MAP1LC3A: variants seen among roughly 807,000 people sequenced by gnomAD.
MAP1LC3A encodes microtubule associated protein 1 light chain 3 alpha.
Under a neutral mutation model 15.2 loss-of-function variants are expected in MAP1LC3A, and 10 were observed. The ratio of observed to expected loss-of-function variants is 0.66; its 90% CI spans 0.41 to 1.12. The LOEUF (loss-of-function observed/expected upper bound fraction) is 1.12, where lower values mean the gene tolerates loss of function less well. Among genes scored for constraint, MAP1LC3A ranks in the 50% most tolerant of loss-of-function variants. MAP1LC3A has a pLI of 0.00. For missense variants in MAP1LC3A, 138 were observed against 167.3 expected, an observed-to-expected ratio of 0.82 and a Z score of 0.97; for synonymous variants, 63 against 64.3, an observed-to-expected ratio of 0.98 and a Z score of 0.10.
At chr20:34,554,729 C>T (rs1248455584), upstream of MAP1LC3A, among the ~76,000 whole-genome samples, 1 of 151,900 alleles carries the variant, frequency 6.6e-6, no homozygotes, top group African/African-American at 2.4e-5. Flanking sequence ...AGTGTAGTGA[C>T]ACAATCTTGG....
At chr20:34,548,792 G>A (rs1309219000) in intron 1 of MAP1LC3A, among the ~76,000 whole-genome samples, 4 of 150,070 alleles carry the variant, frequency 2.7e-5, no homozygotes, top group African/African-American at 9.8e-5. Context: ...TAAAACCTCC[G>A]CCTCCCGGGT....
chr20:34,549,961 CTG>C (rs1568609683), exon 2 of MAP1LC3A: 4 of 1,613,756 alleles, frequency 2.5e-6, no homozygotes, highest in Admixed American at 3.3e-5. Flanking sequence ...AGTTCTGACA[CTG>C]TCTCAGTTTT....
In MAP1LC3A at chr20:34,548,525, G is replaced by A. The variant is rs777473938; in HGVS notation, c.-73-1380G>A. 3.9e-4 allele frequency among the ~76,000 whole-genome samples: 60 copies of A among 152,300 alleles called. 1 individual carries two copies. Among genetic ancestry groups the A allele is most frequent in the Non-Finnish European group, 7.4e-4 (50 of 68,016 alleles). The stretch of plus-strand genomic sequence containing the variant: ...ACAGATATGCGGGTGAGGCCCGGAG[G>A]AAGGGAATGGCCAGGTCTGAGGCCC... On this transcript the variant is annotated intron_variant, in intron 1 of 4. Coordinates refer to the MAP1LC3A transcript ENST00000374837.
At chr20:34,555,072 CCT>C (rs1336302031), upstream of MAP1LC3A, among the ~76,000 whole-genome samples, 6 of 151,670 alleles carry the variant, frequency 4.0e-5, no homozygotes, top group East Asian at 1.9e-4. Flanking sequence ...TGAGAAAGGG[CCT>C]CTGTCACTCA....
rs1243656389 is a variant in MAP1LC3A, at chr20:34,559,361, C to T, written c.111C>T (p.Arg37=). 5 of 1,612,510 alleles carry T rather than the reference C, an allele frequency of 3.1e-6. No individual in the cohort carries two copies. Among genetic ancestry groups the T allele is most frequent in the East Asian group, 2.2e-5 (1 of 44,794 alleles). The stretch of plus-strand genomic sequence containing the variant: ...CCTGCTCCCAGGTGATCATCGAGCG[C>T]TACAAGGGTGAGAAGCAGCTGCCCG... The part of the protein sequence containing the change: ...HPSKIPVIIE[R]YKGEKQLPVL... The change falls in exon 3 of 4, where the codon CGC becomes CGT. Residue 37 remains arginine (R), a synonymous_variant. Transcript: ENST00000360668.
upstream of MAP1LC3A, chr20:34,558,643 G>C (rs1429260667): frequency 8.1e-7 from 1 of 1,229,766 alleles, no homozygotes; most frequent in Non-Finnish European, 1.0e-6. This position sits in a 1 kb window ranked among gnomAD's most constrained non-coding sequence, Gnocchi z 4.3. Context: ...GGTCCGGGCG[G>C]GCGGGTTGTG....
intron 1 of MAP1LC3A, among the ~76,000 whole-genome samples, chr20:34,547,330 G>A (rs1273600366): frequency 1.3e-5 from 2 of 151,812 alleles, no homozygotes; most frequent in Non-Finnish European, 2.9e-5. Flanking sequence ...AGTCTGTGCT[G>A]GGTGAGGAAG....
chr20:34,553,687 C>G (rs1982032479), intron 2 of MAP1LC3A, among the ~76,000 whole-genome samples: 1 of 152,166 alleles, frequency 6.6e-6, no homozygotes. Flanking sequence ...AAGTTTTATC[C>G]AGATCCAGCC....
At position 34,559,418 on chromosome 20, in the gene MAP1LC3A, C is replaced by T. The variant is rs897762735; in HGVS notation, c.168C>T (p.Asp56=). The change falls in exon 3 of 4, where the codon GAC becomes GAT. Residue 56 remains aspartate (D), a synonymous_variant. Coordinates refer to ENST00000360668, the MANE Select transcript of MAP1LC3A (RefSeq NM_032514.4). ...ACAAGACCAAGTTTTTGGTCCCGGA[C>T]CATGTCAACATGAGCGAGTTGGTCA... ...VLDKTKFLVP[D]HVNMSELVKI... 1.2e-6 allele frequency: 2 copies of T among 1,613,204 alleles called. No homozygotes were observed. Among genetic ancestry groups the T allele is most frequent in the African/African-American group, 1.3e-5 (1 of 74,826 alleles).
At chr20:34,558,639 G>T, upstream of MAP1LC3A, 1 of 1,227,742 alleles carries the variant, frequency 8.1e-7, no homozygotes, top group Non-Finnish European at 1.0e-6. The surrounding 1 kb of genome is among the most constrained non-coding windows in gnomAD (Gnocchi z 4.3). Context: ...CACGGGTCCG[G>T]GCGGGCGGGT....
Position 34,559,266 on chromosome 20 carries a change from G to A in MAP1LC3A, c.96+3G>A, listed in dbSNP as rs752740080. 5 of 1,603,430 alleles carry A rather than the reference G, an allele frequency of 3.1e-6. No homozygotes were observed. Among genetic ancestry groups the A allele is most frequent in the Admixed American group, 1.7e-5 (1 of 59,536 alleles). On this transcript the variant is annotated splice_donor_region_variant and intron_variant, in intron 2 of 3. Coordinates refer to ENST00000360668, the MANE Select transcript of MAP1LC3A (RefSeq NM_032514.4). ...ACCAGCACCCCAGCAAAATCCCGGT[G>A]AGTCCCGCACCCCCAGCCCTGCCCC... is the stretch of plus-strand genomic sequence containing the variant.
chr20:34,553,432 C>T (rs1234939152), intron 2 of MAP1LC3A, among the ~76,000 whole-genome samples: 2 of 152,082 alleles, frequency 1.3e-5, no homozygotes, highest in Non-Finnish European at 2.9e-5. Context: ...AGGGGCAGAG[C>T]TCACAGCTTG....
upstream of MAP1LC3A, chr20:34,558,371 G>A: frequency 1.0e-6 from 1 of 988,092 alleles, no homozygotes; most frequent in South Asian, 4.7e-5. This position sits in a 1 kb window ranked among gnomAD's most constrained non-coding sequence, Gnocchi z 4.3. Context: ...TTTGGCTCCG[G>A]CTGTTTCCCA....
chr20:34,559,078 G>A, intron 1 of MAP1LC3A, 130 bp from the exon 2 acceptor site: 1 of 1,342,988 alleles, frequency 7.4e-7, no homozygotes, highest in Non-Finnish European at 9.6e-7. Context: ...AGGTGCCAGG[G>A]GCTGTGGGGC....
intron 3 of MAP1LC3A, 86 bp downstream of exon 3, chr20:34,559,539 G>T: frequency 7.3e-7 from 1 of 1,360,762 alleles, no homozygotes. Flanking sequence ...TGGGGTCAGG[G>T]GTGATGGGAC....
rs1197200478 is a variant in MAP1LC3A at position 34,558,957 on chromosome 20, G to A, written c.40+49G>A. The stretch of plus-strand genomic sequence containing the variant: ...GAGCTCTGGGGCAGGGGTGCCGGCC[G>A]ACCCCGACTGCCGCAGGTGACGTCA... On this transcript the variant is annotated intron_variant, in intron 1 of 3. Transcript: ENST00000360668. This position sits in a 1 kb window ranked among gnomAD's most constrained non-coding sequence, Gnocchi z 4.3. 10 of 1,348,394 alleles carry A rather than the reference G, an allele frequency of 7.4e-6. 1 individual carries two copies. Among genetic ancestry groups the A allele is most frequent in the Middle Eastern group, 2.5e-4 (1 of 4,030 alleles). 83.5% of individuals were successfully genotyped at this position (1,348,394 alleles called of 1,614,324 possible). A position where few individuals can be genotyped will look rare whatever the true frequency, so the allele number is the denominator to read the frequency against.
At chr20:34,552,897 A>C (rs1014706356) in intron 2 of MAP1LC3A, among the ~76,000 whole-genome samples, 4 of 151,950 alleles carry the variant, frequency 2.6e-5, no homozygotes, top group African/African-American at 7.3e-5. Context: ...GTCAAGAATG[A>C]CTCTGAGGAG....
chr20:34,559,555 G>A (rs1360388202), intron 3 of MAP1LC3A, 102 bp downstream of exon 3: 2 of 1,278,536 alleles, frequency 1.6e-6, no homozygotes, highest in African/African-American at 2.9e-5. Context: ...GGGACCGGGC[G>A]GTGGGCCCCT....
At chr20:34,559,041 G>T in intron 1 of MAP1LC3A, 133 bp downstream of exon 1, 1 of 1,330,638 alleles carries the variant, frequency 7.5e-7, no homozygotes, top group Non-Finnish European at 9.6e-7. Context: ...CGGCCTGGGC[G>T]GGGGCTGCCC....
Sources: allele counts gnomAD v4.1 joint callset (sites outside exome capture counted in the v4.1 genomes callset), GRCh38; gene constraint gnomAD v4.1.1; non-coding constraint Gnocchi (gnomAD v3.1); transcripts MANE v1.5; gene names NCBI Gene and HGNC (gene_info 2026-07-23, HGNC 2026-07-21).